RAB6A: variants seen among roughly 807,000 people sequenced by gnomAD.
RAB6A encodes the protein ras-related protein Rab-6A.
Under a neutral mutation model 32.3 loss-of-function variants are expected in RAB6A, and 8 were observed. The observed-to-expected ratio is 0.25, with a 90% CI of 0.15 to 0.45. The LOEUF (loss-of-function observed/expected upper bound fraction) is 0.45, where lower values mean the gene tolerates loss of function less well. Among genes scored for constraint, RAB6A ranks in the 20% least tolerant of loss-of-function variants. The pLI is 1.00. For missense variants in RAB6A, 104 were observed against 249.4 expected, an observed-to-expected ratio of 0.42 and a Z score of 3.93; for synonymous variants, 73 against 82.1, an observed-to-expected ratio of 0.89 and a Z score of 0.60.
chr11:73,700,072 C>G (rs1216888442), intron 6 of RAB6A, among the ~76,000 whole-genome samples: 1 of 152,108 alleles, frequency 6.6e-6, no homozygotes, highest in Non-Finnish European at 1.5e-5. Flanking sequence ...ATGATAAGTA[C>G]TAATGATTTT....
At chr11:73,716,502 T>C in intron 4 of RAB6A, 140 bp from the exon 5 acceptor site, 1 of 554,518 alleles carries the variant, frequency 1.8e-6, no homozygotes, top group Non-Finnish European at 3.3e-6. Flanking sequence ...GCCTGCAACA[T>C]AACTCCATTT....
At chr11:73,703,813 T>C (rs1945787375) in intron 6 of RAB6A, among the ~76,000 whole-genome samples, 1 of 152,136 alleles carries the variant, frequency 6.6e-6, no homozygotes. Flanking sequence ...CTCACGCCTG[T>C]ATACCCAGCA....
At chr11:73,680,316 T>C (rs944195392) in intron 6 of RAB6A, among the ~76,000 whole-genome samples, 1 of 152,156 alleles carries the variant, frequency 6.6e-6, no homozygotes, top group Non-Finnish European at 1.5e-5. Flanking sequence ...GGACAGATCA[T>C]TCATTTAACA....
At chr11:73,747,051 C>G (rs898396252) in intron 1 of RAB6A, among the ~76,000 whole-genome samples, 4 of 149,800 alleles carry the variant, frequency 2.7e-5, no homozygotes, top group Non-Finnish European at 5.9e-5. Context: ...TTCGGCCTCC[C>G]AAAGTGCTGG....
chr11:73,708,095 A>T (rs919828127), intron 5 of RAB6A, among the ~76,000 whole-genome samples: 1 of 152,188 alleles, frequency 6.6e-6, no homozygotes, highest in African/African-American at 2.4e-5. Context: ...ATTTTACACT[A>T]CTATGAAAAT....
At chr11:73,685,286 C>CTTTTTTTT (rs750488240) in intron 6 of RAB6A, among the ~76,000 whole-genome samples, 5 of 117,266 alleles carry the variant, frequency 4.3e-5, no homozygotes, top group African/African-American at 1.3e-4. Context: ...TATAGAAAGT[C>CTTTTTTTT]TTTTTTTTTT....
chr11:73,708,449 G>A lies in RAB6A; in HGVS notation c.402-936C>T, dbSNP rs1028791913. Among the ~76,000 whole-genome samples, 4 of 152,180 alleles carry A rather than the reference G, an allele frequency of 2.6e-5. No homozygotes were observed. The South Asian group carries it at 6.2e-4, about 24-fold the overall frequency. ...CTACCAAAGTGCTGGGATTAGAGGCGTGAGCCACCGTGCCCAGCCGATTTT... is the reference window on the plus strand; with the variant it reads ...CTACCAAAGTGCTGGGATTAGAGGCATGAGCCACCGTGCCCAGCCGATTTT... On this transcript the variant is annotated intron_variant, in intron 5 of 7. Coordinates refer to ENST00000336083, the MANE Select transcript of RAB6A (RefSeq NM_198896.2).
rs567731289 is a variant in RAB6A, at chr11:73,707,613, T to C, written c.402-100A>G. ...AAATAACTTTCCTTGATATAAGGAC[T>C]GGTTATACAGGTCACATTAGTTTAA... On this transcript the variant is annotated intron_variant, in intron 5 of 7. Transcript: ENST00000336083. The C allele has an allele frequency of 5.0e-6, 4 of 807,664 alleles. No homozygotes were observed. The African/African-American group carries it at 5.2e-5, about 10-fold the overall frequency. The allele number at this position is 807,664 out of a possible 1,614,324, so 50.0% of individuals were successfully genotyped here.
Position 73,677,788 on chromosome 11 carries a change from G to A in RAB6A, c.*110C>T, listed in dbSNP as rs1945290985. ...AGGCAGCAATGATGAATTGCAATAC[G>A]TTATTACTGAAGGGAAAAGGTTCAA... On this transcript the variant is annotated 3_prime_UTR_variant, in exon 8 of 8. Transcript: ENST00000336083. The A allele has an allele frequency of 5.7e-6, 9 of 1,583,466 alleles. No homozygotes were observed. Among genetic ancestry groups the A allele is most frequent in the African/African-American group, 1.3e-5 (1 of 74,152 alleles).
At chr11:73,696,517 T>G (rs907870063) in intron 6 of RAB6A, among the ~76,000 whole-genome samples, 1 of 152,148 alleles carries the variant, frequency 6.6e-6, no homozygotes, top group Non-Finnish European at 1.5e-5. Context: ...TTGCTAGATC[T>G]CCATCTTAAT....
intron 6 of RAB6A, among the ~76,000 whole-genome samples, chr11:73,682,288 G>A (rs1565343708): frequency 6.6e-6 from 1 of 152,210 alleles, no homozygotes; most frequent in East Asian, 1.9e-4. Context: ...GAGAGACCTT[G>A]TTTTAAAAAA....
intron 1 of RAB6A, among the ~76,000 whole-genome samples, chr11:73,736,822 A>AC (rs1376948117): frequency 4.8e-5 from 7 of 145,460 alleles, no homozygotes; most frequent in Admixed American, 6.9e-5. Flanking sequence ...AAAAAAAAAA[A>AC]AAAACAATTA....
At position 73,726,581 on chromosome 11, in the gene RAB6A, C is replaced by CAAAAAAAAA. The variant is rs60281561; in HGVS notation, c.129+4175_129+4183dup. Among the ~76,000 whole-genome samples the CAAAAAAAAA allele has an allele frequency of 1.7e-4, 5 of 29,864 alleles. 1 individual carries two copies. Among genetic ancestry groups the CAAAAAAAAA allele is most frequent in the African/African-American group, 3.3e-4 (2 of 6,118 alleles). 19.6% of individuals were successfully genotyped at this position (29,864 alleles called of 152,430 possible). On this transcript the variant is annotated intron_variant, in intron 2 of 7. Transcript: ENST00000336083. Reference sequence around the variant, plus strand: ...TGGGTGACAGAGTGAGACTCTGTCTCAAAAAAAAAAAAAAAAAAAAAAAAA... The same window carrying CAAAAAAAAA: ...TGGGTGACAGAGTGAGACTCTGTCTCAAAAAAAAAAAAAAAAAAAAAAAAAAAAAAAAAA...
intron 6 of RAB6A, among the ~76,000 whole-genome samples, chr11:73,687,978 G>C (rs553621226): frequency 5.3e-5 from 8 of 152,320 alleles, no homozygotes; most frequent in South Asian, 2.1e-4. Context: ...CTACAGAAGA[G>C]ATAGTGTCTT....
chr11:73,684,494 A>G (rs1369327834), intron 6 of RAB6A, among the ~76,000 whole-genome samples: 1 of 152,230 alleles, frequency 6.6e-6, no homozygotes, highest in East Asian at 1.9e-4. Flanking sequence ...TTTTACAGAC[A>G]TAATGCTATT....
chr11:73,681,436 T>C (rs1225622874), intron 6 of RAB6A, among the ~76,000 whole-genome samples: 1 of 152,224 alleles, frequency 6.6e-6, no homozygotes, highest in African/African-American at 2.4e-5. Flanking sequence ...AAGTGCTCTA[T>C]AAGTATTACT....
At chr11:73,750,082 AGT>A (rs1946651375) in intron 1 of RAB6A, among the ~76,000 whole-genome samples, 1 of 152,190 alleles carries the variant, frequency 6.6e-6, no homozygotes, top group African/African-American at 2.4e-5. Context: ...GTTAGAAGTA[AGT>A]GAGAGATACG....
At chr11:73,749,601 T>C (rs1279562185) in intron 1 of RAB6A, among the ~76,000 whole-genome samples, 1 of 152,182 alleles carries the variant, frequency 6.6e-6, no homozygotes, top group Non-Finnish European at 1.5e-5. Flanking sequence ...CTCAGCCTTT[T>C]GGGAGGCCGA....
intron 1 of RAB6A, among the ~76,000 whole-genome samples, chr11:73,747,879 G>T (rs748079288): frequency 2.0e-5 from 3 of 152,184 alleles, no homozygotes; most frequent in Non-Finnish European, 4.4e-5. Flanking sequence ...CTTTCTCAGT[G>T]CATTATAACA....
Sources: allele counts gnomAD v4.1 joint callset (sites outside exome capture counted in the v4.1 genomes callset), GRCh38; gene constraint gnomAD v4.1.1; transcripts MANE v1.5; gene names NCBI Gene and HGNC (gene_info 2026-07-23, HGNC 2026-07-21).